The following GRAMD2B variants were observed in gnomAD, a reference collection of about 807,000 sequenced individuals.
The protein encoded by GRAMD2B is GRAM domain containing 2B.
A neutral mutation model predicts 59.2 loss-of-function variants in GRAMD2B; 41 were observed. That is an observed-to-expected ratio of 0.69 (90% CI 0.54 to 0.90). The LOEUF is 0.90. Among genes scored for constraint, GRAMD2B ranks in the 40% least tolerant of loss-of-function variants. GRAMD2B has a pLI of 0.00. For synonymous variants in GRAMD2B, 161 were observed against 182.7 expected, an observed-to-expected ratio of 0.88 and a Z score of 0.96; for missense variants, 424 against 500.5, an observed-to-expected ratio of 0.85 and a Z score of 1.46.
At chr5:126,394,647 A>C (rs572630823) in intron 1 of GRAMD2B, among the ~76,000 whole-genome samples, 1 of 152,272 alleles carries the variant, frequency 6.6e-6, no homozygotes, top group African/African-American at 2.4e-5. Flanking sequence ...TTTACTCTGG[A>C]GACGGGACAT....
chr5:126,425,608 A>C (rs1485470070), intron 1 of GRAMD2B, among the ~76,000 whole-genome samples: 1 of 147,618 alleles, frequency 6.8e-6, no homozygotes, highest in Non-Finnish European at 1.5e-5. Context: ...CTCTACAGAC[A>C]AAAAAAAATA....
chr5:126,427,073 T>C (rs1051727572), intron 1 of GRAMD2B, among the ~76,000 whole-genome samples: 5 of 152,240 alleles, frequency 3.3e-5, no homozygotes, highest in Admixed American at 1.3e-4. Context: ...ACACACATTT[T>C]TGTTTTCCTT....
intron 1 of GRAMD2B, among the ~76,000 whole-genome samples, chr5:126,446,855 A>C (rs528245467): frequency 7.2e-5 from 11 of 152,256 alleles, no homozygotes; most frequent in Admixed American, 5.9e-4. Flanking sequence ...TTCTCCTGGA[A>C]ACTTCTCCAT....
chr5:126,450,820 T>C (rs1218298039), intron 1 of GRAMD2B, among the ~76,000 whole-genome samples: 1 of 152,138 alleles, frequency 6.6e-6, no homozygotes, highest in East Asian at 1.9e-4. Flanking sequence ...ACACACAGAA[T>C]GCAAGAGTGA....
intron 5 of GRAMD2B, among the ~76,000 whole-genome samples, chr5:126,476,219 G>A (rs758896835): frequency 6.6e-6 from 1 of 152,218 alleles, no homozygotes; most frequent in Non-Finnish European, 1.5e-5. Flanking sequence ...GTTGCCGTGA[G>A]CCAAGATTGC....
chr5:126,489,293 G>A (rs1773517186), intron 13 of GRAMD2B, among the ~76,000 whole-genome samples: 1 of 152,106 alleles, frequency 6.6e-6, no homozygotes, highest in Admixed American at 6.5e-5. Flanking sequence ...TGTTCCCATA[G>A]GTAAAATATT....
At chr5:126,443,716 A>T (rs1023526978) in intron 1 of GRAMD2B, among the ~76,000 whole-genome samples, 2 of 152,224 alleles carry the variant, frequency 1.3e-5, no homozygotes, top group Non-Finnish European at 2.9e-5. Context: ...TCATGCATGC[A>T]TGTTGTTATA....
chr5:126,366,790 C>T (rs889345315), upstream of GRAMD2B, among the ~76,000 whole-genome samples: 1 of 150,810 alleles, frequency 6.6e-6, no homozygotes, highest in African/African-American at 2.4e-5. Context: ...CATGGTTATT[C>T]CATGTATGGA....
intron 1 of GRAMD2B, among the ~76,000 whole-genome samples, chr5:126,373,817 T>G (rs1754958511): frequency 2.0e-5 from 3 of 152,194 alleles, no homozygotes; most frequent in Admixed American, 6.5e-5. Flanking sequence ...AGGAGCGTGG[T>G]TGCCCTGCAT....
At chr5:126,439,210 G>A (rs1762892637) in intron 1 of GRAMD2B, among the ~76,000 whole-genome samples, 1 of 152,014 alleles carries the variant, frequency 6.6e-6, no homozygotes. Context: ...AAAGACAGTG[G>A]ATCAAAAGTA....
intron 1 of GRAMD2B, among the ~76,000 whole-genome samples, chr5:126,387,504 C>T (rs993211640): frequency 3.3e-5 from 5 of 151,138 alleles, no homozygotes; most frequent in Admixed American, 3.3e-4. Context: ...TCTGTATACT[C>T]AAAATATTAT....
At chr5:126,476,874 T>G (rs1272341136) in intron 5 of GRAMD2B, among the ~76,000 whole-genome samples, 1 of 152,160 alleles carries the variant, frequency 6.6e-6, no homozygotes, top group African/African-American at 2.4e-5. Context: ...TTGCATATAT[T>G]ATCTCACTTA....
At chr5:126,486,756 C>T in intron 11 of GRAMD2B, 117 bp from the exon 12 acceptor site, 2 of 626,218 alleles carry the variant, frequency 3.2e-6, no homozygotes, top group South Asian at 4.1e-5. Flanking sequence ...AATCTTTTTA[C>T]CAAGTTATTT....
chr5:126,369,599 T>A (rs183960129), upstream of GRAMD2B, among the ~76,000 whole-genome samples: 220 of 152,372 alleles, frequency 1.4e-3, 1 homozygote, highest in Middle Eastern at 3.4e-3. Context: ...ACCCATTTTT[T>A]AAAACTTTTT....
chr5:126,378,698 G>A (rs757223704), intron 1 of GRAMD2B, among the ~76,000 whole-genome samples: 12 of 152,160 alleles, frequency 7.9e-5, no homozygotes, highest in Middle Eastern at 6.8e-3. Context: ...CTCAGCTAGC[G>A]GAATGAACTC....
At chr5:126,486,777 C>T in intron 11 of GRAMD2B, 96 bp from the exon 12 acceptor site, 1 of 665,390 alleles carries the variant, frequency 1.5e-6, no homozygotes, top group Non-Finnish European at 2.7e-6. Flanking sequence ...TGGAAAATAC[C>T]TTGCCTCGGG....
At chr5:126,457,597 C>T (rs2126726612) in intron 1 of GRAMD2B, among the ~76,000 whole-genome samples, 1 of 151,606 alleles carries the variant, frequency 6.6e-6, no homozygotes, top group East Asian at 1.9e-4. Context: ...CACCACTGCA[C>T]TCCAGCCTGG....
intron 1 of GRAMD2B, among the ~76,000 whole-genome samples, chr5:126,458,108 A>G (rs1766658913): frequency 6.6e-6 from 1 of 152,168 alleles, no homozygotes; most frequent in Admixed American, 6.5e-5. Context: ...CTTCAAAGAA[A>G]TGGCAATCCT....
chr5:126,387,708 A>C (rs1756295727), intron 1 of GRAMD2B, among the ~76,000 whole-genome samples: 1 of 152,112 alleles, frequency 6.6e-6, no homozygotes, highest in Non-Finnish European at 1.5e-5. Flanking sequence ...ATGGAGAACA[A>C]ATTGTAAACA....
Sources: allele counts gnomAD v4.1 joint callset (sites outside exome capture counted in the v4.1 genomes callset), GRCh38; gene constraint gnomAD v4.1.1; transcripts MANE v1.5; gene names NCBI Gene and HGNC (gene_info 2026-07-23, HGNC 2026-07-21).